TAMM41: variants seen among roughly 807,000 people sequenced by gnomAD.
TAMM41 encodes the protein phosphatidate cytidylyltransferase, mitochondrial.
TAMM41 carries 36 observed loss-of-function variants against 44.1 expected under a neutral mutation model. That is an observed-to-expected ratio of 0.82 (90% CI 0.63 to 1.08). The LOEUF (loss-of-function observed/expected upper bound fraction) is 1.08, where lower values mean the gene tolerates loss of function less well. Ranked by LOEUF, TAMM41 falls within the 50% of genes least tolerant of loss-of-function variation. The pLI is 0.00. For synonymous variants in TAMM41, 164 were observed against 153.1 expected (o/e 1.07, Z -0.53); for missense variants, 417 against 404.3 (o/e 1.03, Z -0.27).
In TAMM41 at chr3:11,839,206, C is replaced by G; in HGVS notation, c.411+16G>C. 9.6e-6 allele frequency: 15 copies of G among 1,569,684 alleles called. No homozygotes were observed. Among genetic ancestry groups the G allele is most frequent in the Non-Finnish European group, 1.3e-5 (15 of 1,141,798 alleles). On this transcript the variant is annotated intron_variant, in intron 3 of 7. Coordinates refer to ENST00000455809, the MANE Select transcript of TAMM41 (RefSeq NM_001284401.2). ...AGGAAAGGCATCCTTAACTGTGCAGCCTATAAAACACTCACCGGTTTTTGG... is the reference window on the plus strand; with the variant it reads ...AGGAAAGGCATCCTTAACTGTGCAGGCTATAAAACACTCACCGGTTTTTGG...
At chr3:11,838,315 C>T (rs1488673662) in intron 3 of TAMM41, among the ~76,000 whole-genome samples, 2 of 152,146 alleles carry the variant, frequency 1.3e-5, no homozygotes, top group East Asian at 1.9e-4. Flanking sequence ...CCCAGATTCA[C>T]GCGATTCTCC....
the TAMM41 span, among the ~76,000 whole-genome samples, chr3:11,774,143 G>A: frequency 2.0e-5 from 3 of 152,118 alleles, no homozygotes; most frequent in Non-Finnish European, 4.4e-5. Flanking sequence ...ATCATCTTAT[G>A]CAAAGGAAGC....
At chr3:11,794,648 C>A (rs2077563356) in intron 7 of TAMM41, among the ~76,000 whole-genome samples, 1 of 152,184 alleles carries the variant, frequency 6.6e-6, no homozygotes, top group South Asian at 2.1e-4. Flanking sequence ...CACTATATGG[C>A]TCCTTAGGTT....
At chr3:11,791,364 T>C (rs2077473766) in intron 7 of TAMM41, among the ~76,000 whole-genome samples, 1 of 152,164 alleles carries the variant, frequency 6.6e-6, no homozygotes, top group African/African-American at 2.4e-5. Flanking sequence ...AGAAAGGCTC[T>C]CCGGGGGCTT....
At chr3:11,824,331 C>T (rs1443734311) in intron 4 of TAMM41, among the ~76,000 whole-genome samples, 7 of 149,942 alleles carry the variant, frequency 4.7e-5, no homozygotes, top group African/African-American at 1.7e-4. Context: ...GCTGGGACTA[C>T]AGGTGTGTGC....
chr3:11,805,125 G>A (rs928889142), intron 7 of TAMM41, among the ~76,000 whole-genome samples: 22 of 145,552 alleles, frequency 1.5e-4, no homozygotes, highest in African/African-American at 4.3e-4. Context: ...TGCCTCAGCC[G>A]CTCAAAGGTG....
At chr3:11,842,745 C>T (rs2079509094) in intron 2 of TAMM41, among the ~76,000 whole-genome samples, 1 of 151,950 alleles carries the variant, frequency 6.6e-6, no homozygotes, top group South Asian at 2.1e-4. Flanking sequence ...CATCTCAGAC[C>T]AACTGAGTCA....
At position 11,846,857 on chromosome 3, in the gene TAMM41, G is replaced by T; in HGVS notation, c.-221C>A. 1.8e-6 allele frequency: 1 copy of T among 571,344 alleles called. No homozygotes were observed. The highest frequency in any genetic ancestry group is 3.1e-5 in the East Asian group (1 of 32,324). 35.4% of individuals were successfully genotyped at this position (571,344 alleles called of 1,614,324 possible). A position where few individuals can be genotyped will look rare whatever the true frequency, so the allele number is the denominator to read the frequency against. On this transcript the variant is annotated 5_prime_UTR_variant, in exon 1 of 8. Coordinates refer to ENST00000455809, the MANE Select transcript of TAMM41 (RefSeq NM_001284401.2). ...GACGCAGCCCAGATAGGCTCGGGTG[G>T]GCGGCGGTCGCACAGGCAGAGCTTC...
chr3:11,748,617 G>A, the TAMM41 span, among the ~76,000 whole-genome samples: 1 of 151,964 alleles, frequency 6.6e-6, no homozygotes, highest in African/African-American at 2.4e-5. Flanking sequence ...GACTTCAAGT[G>A]ATCTGCCCCC....
At chr3:11,842,123 T>C (rs2079472721) in intron 2 of TAMM41, among the ~76,000 whole-genome samples, 2 of 152,246 alleles carry the variant, frequency 1.3e-5, no homozygotes, top group South Asian at 4.1e-4. Context: ...AAATGCAGAA[T>C]TACGCCTGTA....
chr3:11,785,025 G>A, the TAMM41 span, among the ~76,000 whole-genome samples: 1 of 152,082 alleles, frequency 6.6e-6, no homozygotes, highest in African/African-American at 2.4e-5. Context: ...GGTGGAAACA[G>A]GAAGCTGCTG....
At chr3:11,742,416 G>A in the TAMM41 span, among the ~76,000 whole-genome samples, 1 of 150,346 alleles carries the variant, frequency 6.7e-6, no homozygotes, top group Non-Finnish European at 1.5e-5. Flanking sequence ...ACATGCATCA[G>A]TAGGCCTTTC....
chr3:11,739,528 T>C, the TAMM41 span, among the ~76,000 whole-genome samples: 86,172 of 151,744 alleles, frequency 0.57, 24,777 homozygotes, highest in Middle Eastern at 0.74. Flanking sequence ...CGTTAAGGGC[T>C]GGGTGCGGTG....
At chr3:11,728,283 C>A in the TAMM41 span, among the ~76,000 whole-genome samples, 1 of 152,186 alleles carries the variant, frequency 6.6e-6, no homozygotes, top group Non-Finnish European at 1.5e-5. Flanking sequence ...CACTGCTTTC[C>A]GCACTGAATT....
intron 5 of TAMM41, among the ~76,000 whole-genome samples, chr3:11,815,283 A>G (rs1198456956): frequency 6.6e-6 from 1 of 152,180 alleles, no homozygotes; most frequent in Non-Finnish European, 1.5e-5. Context: ...GTGATAATGA[A>G]GGGAAGGTGG....
chr3:11,752,893 G>A, the TAMM41 span, among the ~76,000 whole-genome samples: 3 of 151,782 alleles, frequency 2.0e-5, no homozygotes, highest in East Asian at 2.0e-4. Flanking sequence ...GGGCTCTAGC[G>A]ATCGTCCTGC....
At chr3:11,796,612 C>G (rs1381610509) in intron 7 of TAMM41, among the ~76,000 whole-genome samples, 2 of 152,070 alleles carry the variant, frequency 1.3e-5, no homozygotes, top group Non-Finnish European at 2.9e-5. Flanking sequence ...ACCAAATATG[C>G]TAGGGTTTTC....
chr3:11,753,608 G>GC, the TAMM41 span, among the ~76,000 whole-genome samples: 1 of 150,858 alleles, frequency 6.6e-6, no homozygotes, highest in Non-Finnish European at 1.5e-5. Flanking sequence ...GTGGTGGCGG[G>GC]CGCCTGTAGT....
In TAMM41 at chr3:11,836,711, G is replaced by T. The variant is rs2347107; in HGVS notation, c.411+2511C>A. On this transcript the variant is annotated intron_variant, in intron 3 of 7. Coordinates refer to ENST00000455809, the MANE Select transcript of TAMM41 (RefSeq NM_001284401.2). Reference sequence around the variant, plus strand: ...ACTCCTGACCTCAAGTGATCCACCCGCCTCAGCCTCCCAAAGTGCTGAGAT... The same window carrying T: ...ACTCCTGACCTCAAGTGATCCACCCTCCTCAGCCTCCCAAAGTGCTGAGAT... Among the ~76,000 whole-genome samples, 21 of 152,102 alleles carry T rather than the reference G, an allele frequency of 1.4e-4. No homozygotes were observed. The East Asian group carries it at 3.9e-3, about 28-fold the overall frequency.
Sources: gnomAD v4.1 joint callset for allele counts (sites outside exome capture counted in the v4.1 genomes callset) on GRCh38, gnomAD v4.1.1 for gene constraint, MANE v1.5 for transcripts, NCBI Gene and HGNC (gene_info 2026-07-23, HGNC 2026-07-21) for gene names.